Variants in LINGO2 observed in about 807,000 individuals in gnomAD.
LINGO2 encodes the protein leucine rich repeat and Ig domain containing 2, also known as leucine-rich repeat and immunoglobulin-like domain-containing nogo receptor-interacting protein 2.
In LINGO2, 14 loss-of-function variants were observed where a neutral mutation model predicts 30.6. The observed-to-expected ratio is 0.46, with a 90% CI of 0.30 to 0.72. LINGO2 has a LOEUF of 0.72. Among genes scored for constraint, LINGO2 ranks in the 30% least tolerant of loss-of-function variants. LINGO2 has a pLI of 0.07. For missense variants in LINGO2, 729 were observed against 751.7 expected (o/e 0.97, Z 0.35); for synonymous variants, 317 against 288.5 (o/e 1.10, Z -1.00).
chr9:28,846,135 G>T, the LINGO2 span, among the ~76,000 whole-genome samples: 1 of 151,680 alleles, frequency 6.6e-6, no homozygotes, highest in Non-Finnish European at 1.5e-5. Context: ...TCTCATCCCA[G>T]TAGAGAATCC....
At chr9:28,654,835 T>G (rs1335312282) in intron 1 of LINGO2, among the ~76,000 whole-genome samples, 1 of 152,118 alleles carries the variant, frequency 6.6e-6, no homozygotes, top group Non-Finnish European at 1.5e-5. Context: ...ATTCAGCAGA[T>G]TAAATTAGTT....
At chr9:28,156,059 T>C (rs1587102053) in intron 4 of LINGO2, among the ~76,000 whole-genome samples, 2 of 152,328 alleles carry the variant, frequency 1.3e-5, no homozygotes, top group Admixed American at 1.3e-4. Context: ...TTTTAATCCT[T>C]TCTTTTTAAT....
the LINGO2 span, among the ~76,000 whole-genome samples, chr9:28,732,131 A>G: frequency 6.6e-6 from 1 of 152,134 alleles, no homozygotes; most frequent in East Asian, 1.9e-4. Flanking sequence ...GAAGTAGCCA[A>G]AATGCCTGTT....
chr9:28,641,085 G>A (rs1482271141), intron 1 of LINGO2, among the ~76,000 whole-genome samples: 1 of 152,060 alleles, frequency 6.6e-6, no homozygotes, highest in Non-Finnish European at 1.5e-5. Context: ...CCAGGCTGGA[G>A]TGCAGTGGCG....
intron 4 of LINGO2, among the ~76,000 whole-genome samples, chr9:28,126,233 G>C (rs1001132866): frequency 6.6e-6 from 1 of 152,126 alleles, no homozygotes; most frequent in African/African-American, 2.4e-5. Context: ...GAAAGTTCCA[G>C]ATAACTGTAT....
chr9:28,638,297 C>T (rs905843578), intron 1 of LINGO2, among the ~76,000 whole-genome samples: 2 of 152,050 alleles, frequency 1.3e-5, no homozygotes, highest in African/African-American at 2.4e-5. Context: ...TGTTGTGTCC[C>T]TGTCACGCTT....
chr9:29,165,258 T>C, the LINGO2 span, among the ~76,000 whole-genome samples: 2 of 152,156 alleles, frequency 1.3e-5, no homozygotes, highest in East Asian at 3.9e-4. Flanking sequence ...ATTTCAATAA[T>C]TTTTAAATAC....
chr9:28,507,015 A>G (rs1206555890), intron 1 of LINGO2, among the ~76,000 whole-genome samples: 5 of 152,128 alleles, frequency 3.3e-5, no homozygotes, highest in African/African-American at 1.2e-4. Context: ...TTGGAATTAA[A>G]CAAAAAGTTT....
At chr9:28,376,312 G>T (rs561680693) in intron 2 of LINGO2, among the ~76,000 whole-genome samples, 1 of 152,286 alleles carries the variant, frequency 6.6e-6, no homozygotes, top group South Asian at 2.1e-4. Context: ...AGTATCTATT[G>T]TGAGCTTGAA....
intron 5 of LINGO2, among the ~76,000 whole-genome samples, chr9:27,980,599 T>C (rs1820807441): frequency 6.6e-6 from 1 of 151,964 alleles, no homozygotes; most frequent in South Asian, 2.1e-4. Context: ...CCCTGGCATT[T>C]TTCCAGCCCT....
the LINGO2 span, among the ~76,000 whole-genome samples, chr9:28,839,086 C>T: frequency 6.6e-6 from 1 of 152,200 alleles, no homozygotes; most frequent in East Asian, 1.9e-4. Context: ...AAGAGGGTGT[C>T]ACAGTCCTGG....
intron 3 of LINGO2, among the ~76,000 whole-genome samples, chr9:28,347,427 G>C (rs1423891829): frequency 9.6e-5 from 1 of 10,456 alleles, no homozygotes; most frequent in South Asian, 7.9e-3. Flanking sequence ...ACCTGGCAGA[G>C]AGTGATACAC....
chr9:28,867,849 A>G, the LINGO2 span, among the ~76,000 whole-genome samples: 2 of 152,168 alleles, frequency 1.3e-5, no homozygotes, highest in African/African-American at 4.8e-5. Context: ...ATATAGAGAA[A>G]AGAAAATTAG....
At chr9:28,265,379 T>C (rs1044583412) in intron 4 of LINGO2, among the ~76,000 whole-genome samples, 1 of 151,954 alleles carries the variant, frequency 6.6e-6, no homozygotes, top group African/African-American at 2.4e-5. Context: ...CCCCTCCTGT[T>C]AGTCAGAATT....
exon 6 of LINGO2, chr9:27,948,629 GCAAA>G (rs1823462251): frequency 2.1e-6 from 1 of 487,380 alleles, no homozygotes; most frequent in Non-Finnish European, 3.6e-6. Context: ...TATTTGCAAC[GCAAA>G]CACTTAGTAT....
At chr9:28,206,248 A>G (rs1373478799) in intron 4 of LINGO2, among the ~76,000 whole-genome samples, 1 of 151,992 alleles carries the variant, frequency 6.6e-6, no homozygotes, top group Non-Finnish European at 1.5e-5. Context: ...AAAGTTGAGA[A>G]TAAGCTGTTG....
At chr9:28,883,136 C>T in the LINGO2 span, among the ~76,000 whole-genome samples, 19 of 152,270 alleles carry the variant, frequency 1.2e-4, no homozygotes, top group African/African-American at 4.3e-4. Flanking sequence ...TCAATCCAAA[C>T]TCCTTCCTCC....
At chr9:28,393,819 A>G (rs964885431) in intron 2 of LINGO2, among the ~76,000 whole-genome samples, 3 of 152,144 alleles carry the variant, frequency 2.0e-5, no homozygotes, top group Non-Finnish European at 4.4e-5. Flanking sequence ...ATTAACACCC[A>G]TTCTCCTCTC....
intron 3 of LINGO2, among the ~76,000 whole-genome samples, chr9:28,333,185 C>T (rs927181446): frequency 6.6e-6 from 1 of 152,148 alleles, no homozygotes; most frequent in African/African-American, 2.4e-5. Flanking sequence ...AGGCAAACAT[C>T]GTGCCCATGT....
Sources: gnomAD v4.1 joint callset for allele counts (sites outside exome capture counted in the v4.1 genomes callset) on GRCh38, gnomAD v4.1.1 for gene constraint, MANE v1.5 for transcripts, NCBI Gene and HGNC (gene_info 2026-07-23, HGNC 2026-07-21) for gene names.